Variants in LACC1 observed in about 807,000 individuals in gnomAD.
The protein encoded by LACC1 is laccase domain multifunctional purine nucleosidase 1, also known as purine nucleoside phosphorylase LACC1.
A neutral mutation model predicts 34.8 loss-of-function variants in LACC1; 25 were observed. The ratio of observed to expected loss-of-function variants is 0.72; its 90% CI spans 0.52 to 1.00. The LOEUF is 1.00. Among genes scored for constraint, LACC1 ranks in the 50% least tolerant of loss-of-function variants. LACC1 has a pLI of 0.00. For missense variants in LACC1, 426 were observed against 511.2 expected, an observed-to-expected ratio of 0.83 and a Z score of 1.61; for synonymous variants, 162 against 168.0, an observed-to-expected ratio of 0.96 and a Z score of 0.28.
rs1450320258 is a variant in LACC1, at chr13:43,881,041, A to C, written c.56A>C (p.Asn19Thr). 6.2e-7 allele frequency: 1 copy of C among 1,614,154 alleles called. No individual in the cohort carries two copies. Among genetic ancestry groups the C allele is most frequent in the Non-Finnish European group, 8.5e-7 (1 of 1,180,012 alleles). Residue 19 changes from asparagine (N) to threonine (T), a missense_variant, in exon 2 of 7, where the codon AAC becomes ACC. By Grantham distance (65) the Asn-to-Thr change is moderately conservative (BLOSUM62 0). This residue lies in a region of LACC1 where 217 missense variants were observed against 210.9 expected (regional missense o/e 1.03). Coordinates refer to ENST00000325686, the MANE Select transcript of LACC1 (RefSeq NM_153218.4). ...GGTTTGAAATTGAACTCTCAAAAAA[A>C]CTGCCATCAGACATTACTGAAGACT... Reference protein sequence around the residue: ...LFGLKLNSQKNCHQTLLKTLN... With the variant: ...LFGLKLNSQKTCHQTLLKTLN...
upstream of LACC1, chr13:43,879,825 G>GGCGGGGC: frequency 1.6e-5 from 1 of 63,812 alleles, no homozygotes. Context: ...AGGTGGGCGA[G>GGCGGGGC]GTGGGCGAGG....
chr13:43,886,898 T>C (rs1164062126), intron 4 of LACC1, among the ~76,000 whole-genome samples: 1 of 152,152 alleles, frequency 6.6e-6, no homozygotes, highest in Non-Finnish European at 1.5e-5. Context: ...TATATATAGA[T>C]AGGCATAGAA....
rs1349217254 is a variant in LACC1 at position 43,889,984 on chromosome 13, A to G, written c.1134-130A>G. On this transcript the variant is annotated intron_variant, in intron 5 of 6. Transcript: ENST00000325686. ...ACTAGTCCATGTTCTGTAAGTGAAT[A>G]ACAATATACATTGTTCTAGGTACAT... is the stretch of plus-strand genomic sequence containing the variant. 3 of 706,256 alleles carry G rather than the reference A, an allele frequency of 4.2e-6. No homozygotes were observed. In the East Asian group the frequency reaches 8.3e-5, roughly 19 times the overall value. 43.7% of individuals were successfully genotyped at this position (706,256 alleles called of 1,614,324 possible).
Position 43,892,736 on chromosome 13 carries a change from A to G in LACC1, c.*1289A>G, listed in dbSNP as rs182637238. On this transcript the variant is annotated 3_prime_UTR_variant, in exon 7 of 7. Coordinates refer to ENST00000325686, the MANE Select transcript of LACC1 (RefSeq NM_153218.4). ...TTAGGATGAGAAAAAAGGAGATCCA[A>G]TAATACAACCTTATAGTCACAGAAG... 42 of 151,424 alleles carry G rather than the reference A, an allele frequency of 2.8e-4. No homozygotes were observed. Among genetic ancestry groups the G allele is most frequent in the African/African-American group, 8.0e-4 (33 of 41,314 alleles). The allele number at this position is 151,424 out of a possible 1,614,324, so 9.4% of individuals were successfully genotyped here.
chr13:43,886,154 G>A (rs1459099468), intron 4 of LACC1, among the ~76,000 whole-genome samples: 2 of 152,190 alleles, frequency 1.3e-5, no homozygotes, highest in African/African-American at 4.8e-5. Flanking sequence ...CACACTGCTA[G>A]TGGGAATGTA....
intron 2 of LACC1, 82 bp downstream of exon 2, chr13:43,881,629 C>A: frequency 1.9e-6 from 2 of 1,078,398 alleles, no homozygotes; most frequent in South Asian, 1.6e-5. Context: ...TCTTTTTTTC[C>A]TCCTTTCTTT....
intron 4 of LACC1, among the ~76,000 whole-genome samples, chr13:43,886,267 A>G (rs536306543): frequency 1.1e-4 from 16 of 152,286 alleles, no homozygotes; most frequent in African/African-American, 3.8e-4. Context: ...TATATACCCA[A>G]AGGAATATAA....
chr13:43,882,120 G>A, intron 2 of LACC1, 65 bp from the exon 3 acceptor site: 3 of 1,250,368 alleles, frequency 2.4e-6, no homozygotes, highest in Non-Finnish European at 3.4e-6. Flanking sequence ...GATCAGGGAA[G>A]GTCTAATTGA....
intron 2 of LACC1, 127 bp downstream of exon 2, chr13:43,881,674 C>T (rs1304331754): frequency 1.4e-5 from 10 of 703,008 alleles, no homozygotes; most frequent in Non-Finnish European, 1.8e-5. Flanking sequence ...TCATTAGCAT[C>T]AGTGGCAACA....
chr13:43,881,235 A>C lies in LACC1; in HGVS notation c.250A>C (p.Met84Leu). The C allele has an allele frequency of 6.2e-7, 1 of 1,614,216 alleles. No individual in the cohort carries two copies. Among genetic ancestry groups the C allele is most frequent in the Non-Finnish European group, 8.5e-7 (1 of 1,180,028 alleles). ...EEFEIVSCPSMAATLYTIKQK... is the reference protein window; with the variant it reads ...EEFEIVSCPSLAATLYTIKQK... ...ATTTGAGATTGTTAGCTGTCCCAGC[A>C]TGGCTGCCACTTTGTATACCATTAA... is the stretch of plus-strand genomic sequence containing the variant. Residue 84 changes from methionine to leucine, a missense_variant, in exon 2 of 7, where the codon ATG becomes CTG. This residue lies in a region of LACC1 where 217 missense variants were observed against 210.9 expected (regional missense o/e 1.03). Transcript: ENST00000325686.
chr13:43,887,615 T>C (rs1304607057), intron 4 of LACC1, among the ~76,000 whole-genome samples: 2 of 152,104 alleles, frequency 1.3e-5, no homozygotes, highest in Non-Finnish European at 2.9e-5. Flanking sequence ...ATAATAGATA[T>C]ATTTTTGTAA....
rs1213508647 is a variant in LACC1, at chr13:43,892,080, A to C, written c.*633A>C. The C allele has an allele frequency of 1.3e-5, 2 of 151,990 alleles. No individual in the cohort carries two copies. The highest frequency in any genetic ancestry group is 4.8e-5 in the African/African-American group (2 of 41,374). 9.4% of individuals were successfully genotyped at this position (151,990 alleles called of 1,614,324 possible). On this transcript the variant is annotated 3_prime_UTR_variant, in exon 7 of 7. Transcript: ENST00000325686. Reference sequence around the variant, plus strand: ...ATTCTAGAGAGAGAAGGGTGTGGGCATGAGTTAGGGCTGGAAAAACAGGTT... The same window carrying C: ...ATTCTAGAGAGAGAAGGGTGTGGGCCTGAGTTAGGGCTGGAAAAACAGGTT...
chr13:43,890,321 C>T, intron 6 of LACC1, 47 bp downstream of exon 6: 2 of 1,465,092 alleles, frequency 1.4e-6, no homozygotes, highest in South Asian at 1.3e-5. Flanking sequence ...CTCTTTCATC[C>T]CTCTCTCCAC....
chr13:43,879,764 C>T (rs989320324), upstream of LACC1: 10 of 97,016 alleles, frequency 1.0e-4, no homozygotes, highest in South Asian at 3.7e-4. Flanking sequence ...GCGAGGTGGG[C>T]GAGGGGGGCG....
At chr13:43,887,037 A>G (rs1955367012) in intron 4 of LACC1, among the ~76,000 whole-genome samples, 1 of 152,172 alleles carries the variant, frequency 6.6e-6, no homozygotes, top group South Asian at 2.1e-4. Flanking sequence ...AAATGCCTAT[A>G]TCTAGTTGCT....
At chr13:43,885,140 A>G (rs919668051) in intron 4 of LACC1, among the ~76,000 whole-genome samples, 2 of 152,230 alleles carry the variant, frequency 1.3e-5, no homozygotes, top group Non-Finnish European at 2.9e-5. Context: ...TTCCATGCTC[A>G]TGGATAGGAA....
intron 5 of LACC1, 174 bp from the exon 6 acceptor site, chr13:43,889,940 T>C: frequency 1.8e-6 from 1 of 558,090 alleles, no homozygotes; most frequent in Non-Finnish European, 3.1e-6. Flanking sequence ...GCTGATAAAG[T>C]GTAGCATTTT....
At chr13:43,889,740 T>G (rs1035338038) in intron 5 of LACC1, among the ~76,000 whole-genome samples, 1 of 152,234 alleles carries the variant, frequency 6.6e-6, no homozygotes, top group African/African-American at 2.4e-5. Context: ...GGAAAGGAGA[T>G]GAAGGGCCAG....
In LACC1 at chr13:43,881,051, G is replaced by A; in HGVS notation, c.66G>A (p.Gln22=). The A allele has an allele frequency of 6.2e-7, 1 of 1,614,178 alleles. No homozygotes were observed. Among genetic ancestry groups the A allele is most frequent in the Non-Finnish European group, 8.5e-7 (1 of 1,180,026 alleles). ...TGAACTCTCAAAAAAACTGCCATCA[G>A]ACATTACTGAAGACTTTGAATGCTG... ...LKLNSQKNCH[Q]TLLKTLNAVQ... Residue 22 remains glutamine (Q), a synonymous_variant, in exon 2 of 7, where the codon CAG becomes CAA. Transcript: ENST00000325686.
Sources: allele counts gnomAD v4.1 joint callset (sites outside exome capture counted in the v4.1 genomes callset), GRCh38; gene constraint gnomAD v4.1.1; regional missense constraint gnomAD v4.1.1; transcripts MANE v1.5; gene names NCBI Gene and HGNC (gene_info 2026-07-23, HGNC 2026-07-21).